SPAST: variants seen among roughly 807,000 people sequenced by gnomAD.
The protein encoded by SPAST is spastin.
A neutral mutation model predicts 76.6 loss-of-function variants in SPAST; 30 were observed. The observed-to-expected ratio is 0.39, with a 90% CI of 0.29 to 0.53. The LOEUF (loss-of-function observed/expected upper bound fraction) is 0.53, where lower values mean the gene tolerates loss of function less well. Ranked by LOEUF, SPAST falls within the 20% of genes least tolerant of loss-of-function variation. The pLI is 0.68. For missense variants in SPAST, 717 were observed against 770.5 expected, an observed-to-expected ratio of 0.93 and a Z score of 0.82; for synonymous variants, 305 against 281.0, an observed-to-expected ratio of 1.09 and a Z score of -0.86.
intron 4 of SPAST, among the ~76,000 whole-genome samples, chr2:32,110,569 T>C (rs1678526723): frequency 2.3e-5 from 2 of 88,846 alleles, no homozygotes; most frequent in African/African-American, 4.4e-5. Flanking sequence ...TGTGTATATA[T>C]AGTATATATA....
chr2:32,090,120 A>G (rs1166696486), intron 3 of SPAST, among the ~76,000 whole-genome samples: 2 of 152,214 alleles, frequency 1.3e-5, no homozygotes, highest in African/African-American at 4.8e-5. Flanking sequence ...TCACCTCACT[A>G]TCAGTCTTGA....
rs2031465726 is a variant in SPAST, at chr2:32,136,831, C to T, written c.1322-46C>T. ...AACTAGATTAATCTCAGATGACTCACATAGCTTGGTCTTTAATTAAAGTCT... is the reference window on the plus strand; with the variant it reads ...AACTAGATTAATCTCAGATGACTCATATAGCTTGGTCTTTAATTAAAGTCT... On this transcript the variant is annotated intron_variant, in intron 10 of 16. Coordinates refer to ENST00000315285, the MANE Select transcript of SPAST (RefSeq NM_014946.4). The T allele has an allele frequency of 2.1e-6, 3 of 1,463,006 alleles. No homozygotes were observed. The South Asian group carries it at 3.4e-5, about 17-fold the overall frequency. The allele number at this position is 1,463,006 out of a possible 1,614,324, so 90.6% of individuals were successfully genotyped here.
intron 1 of SPAST, among the ~76,000 whole-genome samples, chr2:32,067,459 C>G (rs925437501): frequency 4.6e-5 from 7 of 152,082 alleles, no homozygotes; most frequent in Admixed American, 3.3e-4. Flanking sequence ...ATAAAAGACC[C>G]TGAGCTCTTA....
intron 16 of SPAST, among the ~76,000 whole-genome samples, chr2:32,151,615 G>A (rs1680087474): frequency 6.6e-6 from 1 of 152,076 alleles, no homozygotes; most frequent in African/African-American, 2.4e-5. Flanking sequence ...TTTAGGTAAG[G>A]AAAACCCAAC....
At chr2:32,064,437 C>G (rs1676429074) in intron 1 of SPAST, among the ~76,000 whole-genome samples, 191 bp downstream of exon 1, 1 of 152,178 alleles carries the variant, frequency 6.6e-6, no homozygotes, top group Non-Finnish European at 1.5e-5. Flanking sequence ...TCTCCCCTTT[C>G]AGGGCACTGT....
intron 13 of SPAST, among the ~76,000 whole-genome samples, chr2:32,142,684 C>A (rs1679757922): frequency 6.6e-6 from 1 of 152,120 alleles, no homozygotes; most frequent in Non-Finnish European, 1.5e-5. Context: ...GCATGAGTCA[C>A]CGTGCCCGGC....
chr2:32,103,391 G>A (rs1213068853), intron 4 of SPAST, among the ~76,000 whole-genome samples: 2 of 151,874 alleles, frequency 1.3e-5, no homozygotes, highest in East Asian at 1.9e-4. Context: ...CAGTCTATCA[G>A]TTTTGTTGAT....
In SPAST at chr2:32,063,866, G is replaced by A; in HGVS notation, c.35G>A (p.Gly12Asp). The change falls in exon 1 of 17, where the codon GGC (glycine) becomes GAC (aspartate). Residue 12 changes from glycine (G) to aspartate (D), a missense_variant. Gly to Asp is a moderately conservative substitution (Grantham distance 94, BLOSUM62 -1). This residue lies in a region of SPAST where 543 missense variants were observed against 445.2 expected (regional missense o/e 1.22). Transcript: ENST00000315285. ...NSPGGRGKKK[G>D]SGGASNPVPP... ...CCGGGTGGACGAGGGAAGAAGAAAG[G>A]CTCCGGCGGCGCCAGCAACCCGGTG... is the stretch of plus-strand genomic sequence containing the variant. The A allele has an allele frequency of 6.3e-7, 1 of 1,584,852 alleles. No individual in the cohort carries two copies. Among genetic ancestry groups the A allele is most frequent in the Non-Finnish European group, 8.5e-7 (1 of 1,170,570 alleles).
chr2:32,081,426 G>T (rs994633868), intron 1 of SPAST, among the ~76,000 whole-genome samples: 1 of 152,054 alleles, frequency 6.6e-6, no homozygotes, highest in African/African-American at 2.4e-5. Context: ...ATTCATTCAG[G>T]GTCCCAGCCA....
intron 1 of SPAST, among the ~76,000 whole-genome samples, chr2:32,085,964 C>G (rs1481490679): frequency 6.6e-6 from 1 of 151,464 alleles, no homozygotes; most frequent in African/African-American, 2.4e-5. Context: ...ATCGCTTGAA[C>G]CAGGGAGTCG....
chr2:32,063,755 A>G lies in SPAST; in HGVS notation c.-77A>G. 3 of 1,519,842 alleles carry G rather than the reference A, an allele frequency of 2.0e-6. No individual in the cohort carries two copies. The highest frequency in any genetic ancestry group is 2.6e-6 in the Non-Finnish European group (3 of 1,138,440). 94.1% of individuals were successfully genotyped at this position (1,519,842 alleles called of 1,614,324 possible). On this transcript the variant is annotated 5_prime_UTR_variant, in exon 1 of 17. Coordinates refer to ENST00000315285, the MANE Select transcript of SPAST (RefSeq NM_014946.4). The stretch of plus-strand genomic sequence containing the variant: ...GGGGGTCTGTGGCCCCCGCCGTAGC[A>G]GTGGCTGCCGCCGTCGCTTGGTTCC...
chr2:32,073,792 A>G (rs1676845886), intron 1 of SPAST, among the ~76,000 whole-genome samples: 1 of 152,196 alleles, frequency 6.6e-6, no homozygotes, highest in South Asian at 2.1e-4. Flanking sequence ...TCAGCAGCTC[A>G]TTCTGGTTAA....
In SPAST at chr2:32,064,837, T is replaced by C. The variant is rs570189166; in HGVS notation, c.415+591T>C. The stretch of plus-strand genomic sequence containing the variant: ...GAAGTTATATTTAGCATAAAACTTT[T>C]CCCCCTGTTGCTTTGATTTTAATTA... On this transcript the variant is annotated intron_variant, in intron 1 of 16. Coordinates refer to ENST00000315285, the MANE Select transcript of SPAST (RefSeq NM_014946.4). Among the ~76,000 whole-genome samples the C allele has an allele frequency of 8.7e-4, 133 of 152,306 alleles. 1 individual carries two copies. Among genetic ancestry groups the C allele is most frequent in the African/African-American group, 3.1e-3 (129 of 41,574 alleles).
At chr2:32,084,755 T>G (rs1315269313) in intron 1 of SPAST, among the ~76,000 whole-genome samples, 1 of 151,252 alleles carries the variant, frequency 6.6e-6, no homozygotes. Context: ...GGTGTGGTGG[T>G]GCACACCTGT....
chr2:32,087,359 T>C (rs1677524651), intron 1 of SPAST, 133 bp from the exon 2 acceptor site: 1 of 531,194 alleles, frequency 1.9e-6, no homozygotes, highest in Non-Finnish European at 3.4e-6. Flanking sequence ...ATAAAAATAC[T>C]AAGAAGTTAT....
chr2:32,072,513 T>C (rs995610240), intron 1 of SPAST, among the ~76,000 whole-genome samples: 41 of 152,156 alleles, frequency 2.7e-4, no homozygotes, highest in Non-Finnish European at 4.1e-4. Context: ...ATGAGTCATG[T>C]CCAACCCCCA....
chr2:32,075,886 TCAAAATGCTC>T lies in SPAST; in HGVS notation c.416-11605_416-11596del, dbSNP rs1363632379. Among the ~76,000 whole-genome samples the T allele has an allele frequency of 2.4e-5, 3 of 127,276 alleles. No individual in the cohort carries two copies. The East Asian group carries it at 8.1e-4, about 34-fold the overall frequency. 83.5% of individuals were successfully genotyped at this position (127,276 alleles called of 152,430 possible). A position where few individuals can be genotyped will look rare whatever the true frequency, so the allele number is the denominator to read the frequency against. On this transcript the variant is annotated intron_variant, in intron 1 of 16. Transcript: ENST00000315285. Reference sequence around the variant, plus strand: ...TTTTTTTTTTTTTTTAATGAAAAATTCAAAATGCTCTTTTTTTTTTTTTTTTTTTTTTGAG... The same window carrying T: ...TTTTTTTTTTTTTTTAATGAAAAATTTTTTTTTTTTTTTTTTTTTTTTGAG...
intron 1 of SPAST, 44 bp downstream of exon 1, chr2:32,064,290 G>A: frequency 7.4e-7 from 1 of 1,356,146 alleles, no homozygotes; most frequent in South Asian, 1.3e-5. Flanking sequence ...CCGGGAAGAA[G>A]GCGGTGGGGT....
chr2:32,087,882 T>G, intron 2 of SPAST, among the ~76,000 whole-genome samples: 1 of 148,824 alleles, frequency 6.7e-6, no homozygotes, highest in South Asian at 2.1e-4. Flanking sequence ...TTATTATTAT[T>G]ATTATTATTA....
Sources: gnomAD v4.1 joint callset for allele counts (sites outside exome capture counted in the v4.1 genomes callset) on GRCh38, gnomAD v4.1.1 for gene constraint, gnomAD v4.1.1 regional missense constraint, MANE v1.5 for transcripts, NCBI Gene and HGNC (gene_info 2026-07-23, HGNC 2026-07-21) for gene names.